DOK7: variants seen among roughly 807,000 people sequenced by gnomAD.
The protein encoded by DOK7 is docking protein 7, also known as protein Dok-7.
In DOK7, 32 loss-of-function variants were observed where a neutral mutation model predicts 30.7. That is an observed-to-expected ratio of 1.04 (90% confidence interval 0.79 to 1.40). The LOEUF is 1.40. DOK7 is among the 40% of genes most tolerant of loss of function. The pLI, the probability that DOK7 is intolerant of heterozygous loss-of-function variation, is 0.00. For synonymous variants in DOK7, 447 were observed against 324.1 expected (o/e 1.38, Z -4.07); for missense variants, 1,007 against 699.2 (o/e 1.44, Z -4.97).
At chr4:3,492,189 G>A (rs1262025511) in intron 6 of DOK7, among the ~76,000 whole-genome samples, 2 of 152,210 alleles carry the variant, frequency 1.3e-5, no homozygotes, top group African/African-American at 2.4e-5. Flanking sequence ...GATCTGCATT[G>A]GGTGTGCTTC....
chr4:3,478,223 C>G lies in DOK7; in HGVS notation c.532+1681C>G, dbSNP rs532718920. 3.3e-5 allele frequency among the ~76,000 whole-genome samples: 5 copies of G among 152,308 alleles called. No individual in the cohort carries two copies. In the East Asian group the frequency reaches 9.6e-4, roughly 29 times the overall value. ...CAGGAGGACCCGTTTCCTTGGAGAC[C>G]TGCTTATTTTGTCTGGGCCATAATG... On this transcript the variant is annotated intron_variant, in intron 4 of 6. Coordinates refer to ENST00000340083, the MANE Select transcript of DOK7 (RefSeq NM_173660.5).
At chr4:3,497,416 A>C (rs971991372), downstream of DOK7, among the ~76,000 whole-genome samples, 4 of 151,968 alleles carry the variant, frequency 2.6e-5, no homozygotes, top group Non-Finnish European at 5.9e-5. Context: ...AGGGAGGGCC[A>C]GGCAGGGAGG....
chr4:3,468,649 C>T (rs2109324230), intron 2 of DOK7, among the ~76,000 whole-genome samples: 1 of 131,298 alleles, frequency 7.6e-6, no homozygotes, highest in East Asian at 2.2e-4. Flanking sequence ...TGTGTGTGTG[C>T]ATGTATGAGT....
chr4:3,467,816 C>T (rs73079102), intron 2 of DOK7, among the ~76,000 whole-genome samples: 4,204 of 152,192 alleles, frequency 0.028, 196 homozygotes, highest in African/African-American at 0.093. Flanking sequence ...GGTGAGGATC[C>T]GCGTCCTGGG....
chr4:3,499,765 TGCA>T (rs2109444139), intron 6 of DOK7, among the ~76,000 whole-genome samples: 1 of 148,478 alleles, frequency 6.7e-6, no homozygotes, highest in South Asian at 2.2e-4. Context: ...CCCTGGAGCC[TGCA>T]GCAGGTGGGG....
intron 5 of DOK7, among the ~76,000 whole-genome samples, chr4:3,487,265 A>G (rs1881801): frequency 0.7 from 107,022 of 152,110 alleles, 38,096 homozygotes; most frequent in East Asian, 0.92. Context: ...GCAGCACCCC[A>G]CCAGAGAAGC....
chr4:3,485,287 C>T (rs945327395), intron 4 of DOK7: 23 of 460,280 alleles, frequency 5.0e-5, no homozygotes, highest in Admixed American at 4.2e-4. Flanking sequence ...TTGAAGGGTG[C>T]GGCGGGGTCC....
intron 4 of DOK7, among the ~76,000 whole-genome samples, chr4:3,476,930 T>C (rs2699427): frequency 0.13 from 19,382 of 152,310 alleles, 1,291 homozygotes; most frequent in Middle Eastern, 0.17. Context: ...AAACATATTC[T>C]TGGACCAAGA....
intron 4 of DOK7, among the ~76,000 whole-genome samples, chr4:3,476,785 A>T (rs1436969937): frequency 6.6e-6 from 1 of 152,180 alleles, no homozygotes; most frequent in Non-Finnish European, 1.5e-5. Context: ...GGAGGGAGAG[A>T]GTTCAGGGAT....
downstream of DOK7, chr4:3,496,751 G>C: frequency 2.6e-6 from 4 of 1,511,676 alleles, no homozygotes; most frequent in Non-Finnish European, 3.5e-6. Flanking sequence ...CCTTGTTCTC[G>C]GTGGCCCCCC....
chr4:3,489,798 T>G lies in DOK7; in HGVS notation c.772+2T>G. ...ATGCGGGCAGGCCGGGCAGTGGAGG[T>G]AGGGCCGGGGGCTGACCTGGGCTGT... is the stretch of plus-strand genomic sequence containing the variant. On this transcript the variant is annotated splice_donor_variant, in intron 6 of 6. Transcript: ENST00000340083. LOFTEE classifies it high-confidence loss of function. 1 of 1,571,572 alleles carries G rather than the reference T, an allele frequency of 6.4e-7. No homozygotes were observed. The highest frequency in any genetic ancestry group is 8.6e-7 in the Non-Finnish European group (1 of 1,158,164).
chr4:3,490,979 CCTCCT>C (rs1380733808), intron 6 of DOK7, among the ~76,000 whole-genome samples: 3 of 124,570 alleles, frequency 2.4e-5, no homozygotes, highest in Non-Finnish European at 5.1e-5. Context: ...TCTTCATTTC[CCTCCT>C]GCTCATTCAT....
At chr4:3,500,208 C>A in intron 6 of DOK7, 1 of 1,529,532 alleles carries the variant, frequency 6.5e-7, no homozygotes, top group South Asian at 1.2e-5. Flanking sequence ...GATCTGTGCC[C>A]CTCTCGGTCC....
chr4:3,489,408 C>T (rs575445837), intron 5 of DOK7, among the ~76,000 whole-genome samples: 9 of 152,252 alleles, frequency 5.9e-5, no homozygotes, highest in South Asian at 2.1e-4. Flanking sequence ...GGGGTCTGGC[C>T]GGCGTGGGGT....
intron 4 of DOK7, among the ~76,000 whole-genome samples, chr4:3,484,342 G>A (rs934069191): frequency 2.6e-5 from 4 of 152,220 alleles, no homozygotes; most frequent in Non-Finnish European, 4.4e-5. Flanking sequence ...CCTGTGTTCC[G>A]TGAAGGCAGA....
chr4:3,469,365 C>G (rs73080908), intron 2 of DOK7, among the ~76,000 whole-genome samples: 1 of 152,108 alleles, frequency 6.6e-6, no homozygotes, highest in African/African-American at 2.4e-5. Flanking sequence ...GGGAACCCTC[C>G]AAGTTCTGCA....
chr4:3,489,550 CG>C, intron 5 of DOK7, 126 bp from the exon 6 acceptor site: 3 of 1,445,240 alleles, frequency 2.1e-6, no homozygotes, highest in South Asian at 1.2e-5. Flanking sequence ...TCGGGAGGAG[CG>C]GGGACTCCCA....
At chr4:3,482,997 G>T (rs1023424838) in intron 4 of DOK7, among the ~76,000 whole-genome samples, 1 of 151,832 alleles carries the variant, frequency 6.6e-6, no homozygotes, top group East Asian at 1.9e-4. Flanking sequence ...GCCAAGAAAA[G>T]CATCATGAAA....
In DOK7 at chr4:3,485,708, G is replaced by A. The variant is rs2006802; in HGVS notation, c.652+50G>A. The A allele has an allele frequency of 0.014, 20,915 of 1,475,030 alleles. 1,773 individuals carry two copies. In the African/African-American group the frequency reaches 0.22, roughly 15 times the overall value. The allele number at this position is 1,475,030 out of a possible 1,614,324, so 91.4% of individuals were successfully genotyped here. On this transcript the variant is annotated intron_variant, in intron 5 of 6. Coordinates refer to ENST00000340083, the MANE Select transcript of DOK7 (RefSeq NM_173660.5). The stretch of plus-strand genomic sequence containing the variant: ...GGGGAGGGTGCGCTCGGCAGGCTGT[G>A]CGACGTCCCGGGGCGGGGGGCCACA...
Sources: allele counts gnomAD v4.1 joint callset (sites outside exome capture counted in the v4.1 genomes callset), GRCh38; gene constraint gnomAD v4.1.1; transcripts MANE v1.5; gene names NCBI Gene and HGNC (gene_info 2026-07-23, HGNC 2026-07-21).